ZSCAN18: variants seen among roughly 807,000 people sequenced by gnomAD.
ZSCAN18 encodes the protein zinc finger and SCAN domain containing 18, also known as zinc finger and SCAN domain-containing protein 18.
A neutral mutation model predicts 31.1 loss-of-function variants in ZSCAN18; 16 were observed. The observed-to-expected ratio is 0.51, with a 90% CI of 0.35 to 0.78. The LOEUF (loss-of-function observed/expected upper bound fraction) is 0.78, where lower values mean the gene tolerates loss of function less well. ZSCAN18 is among the 30% of genes least tolerant of loss of function. The pLI, the probability that ZSCAN18 is intolerant of heterozygous loss-of-function variation, is 0.01. For synonymous variants in ZSCAN18, 375 were observed against 320.7 expected (o/e 1.17, Z -1.81); for missense variants, 731 against 697.4 (o/e 1.05, Z -0.54).
At chr19:58,108,251 A>C in intron 1 of ZSCAN18, 3 of 985,560 alleles carry the variant, frequency 3.0e-6, no homozygotes, top group Non-Finnish European at 3.6e-6. Context: ...TACACCCAGT[A>C]CATACATAGG....
At chr19:58,087,466 G>A (rs931323245) in intron 3 of ZSCAN18, 62 bp from the exon 4 acceptor site, 1 of 1,480,446 alleles carries the variant, frequency 6.8e-7, no homozygotes, top group African/African-American at 1.4e-5. Flanking sequence ...GCCCTCAAGG[G>A]TCAAGGAGCC....
At chr19:58,086,637 G>C in intron 5 of ZSCAN18, 1 of 504,750 alleles carries the variant, frequency 2.0e-6, no homozygotes, top group Non-Finnish European at 3.5e-6. Flanking sequence ...CTGGCAAGGA[G>C]GGTGGCAATG....
chr19:58,088,404 A>G (rs1325943144), intron 3 of ZSCAN18: 2 of 348,634 alleles, frequency 5.7e-6, no homozygotes, highest in Non-Finnish European at 1.1e-5. Flanking sequence ...GAGACCCTTT[A>G]TTTTCAGAGG....
intron 2 of ZSCAN18, among the ~76,000 whole-genome samples, chr19:58,089,447 G>A (rs1198158287): frequency 6.7e-6 from 1 of 150,356 alleles, no homozygotes; most frequent in Non-Finnish European, 1.5e-5. Flanking sequence ...CCAACATGGT[G>A]AAACCCTGTC....
upstream of ZSCAN18, among the ~76,000 whole-genome samples, chr19:58,102,990 T>C (rs12978231): frequency 0.56 from 84,922 of 151,472 alleles, 25,687 homozygotes; most frequent in Non-Finnish European, 0.68. Context: ...GGTGTGGTGG[T>C]GTGCACCTCT....
rs764940546 is a variant in ZSCAN18, at chr19:58,086,275, G to A, written c.746-9C>T. ...CTGGGAAAGCTGATACCCTGAGTGG[G>A]GTTAAAAACCAAAGAAATAAAAGGC... On this transcript the variant is annotated splice_polypyrimidine_tract_variant and intron_variant, in intron 5 of 6. Coordinates refer to ENST00000601144, the MANE Select transcript of ZSCAN18 (RefSeq NM_001145543.2). The A allele has an allele frequency of 4.3e-6, 7 of 1,612,576 alleles. No homozygotes were observed. Among genetic ancestry groups the A allele is most frequent in the African/African-American group, 4.0e-5 (3 of 75,008 alleles).
At chr19:58,116,092 T>G (rs2547347) in intron 1 of ZSCAN18, among the ~76,000 whole-genome samples, 6 of 150,578 alleles carry the variant, frequency 4.0e-5, no homozygotes, top group Non-Finnish European at 8.8e-5. Flanking sequence ...TGCAAAGTCT[T>G]GTAGCACATA....
Position 58,085,139 on chromosome 19 carries a change from G to A in ZSCAN18, c.1079C>T (p.Pro360Leu), listed in dbSNP as rs1447173201. 3 of 1,610,188 alleles carry A rather than the reference G, an allele frequency of 1.9e-6. No homozygotes were observed. The highest frequency in any genetic ancestry group is 2.5e-6 in the Non-Finnish European group (3 of 1,178,722). Residue 360 changes from proline (P) to leucine (L), a missense_variant, in exon 7 of 7, where the codon CCG becomes CTG. Physicochemically the swap from Pro to Leu is moderately conservative, Grantham distance 98 (BLOSUM62 -3). Transcript: ENST00000601144. ...TCCCAGTTTCGCCGTGCCCCTGTCC[G>A]GGGCAGGCTGCTGGATGACGGACTG... ...QRQSVIQQPA[P>L]DRGTAKLGTK...
At chr19:58,095,662 G>A (rs1277381043) in intron 1 of ZSCAN18, among the ~76,000 whole-genome samples, 1 of 152,176 alleles carries the variant, frequency 6.6e-6, no homozygotes, top group African/African-American at 2.4e-5. Context: ...GGCAGGGGCG[G>A]GATGACGTGG....
chr19:58,112,950 CAAAAAAAA>C (rs55721042), intron 1 of ZSCAN18, among the ~76,000 whole-genome samples: 3 of 69,486 alleles, frequency 4.3e-5, no homozygotes, highest in Admixed American at 2.2e-4. Flanking sequence ...GGCTCCGTTT[CAAAAAAAA>C]AAAAAAAAAA....
upstream of ZSCAN18, among the ~76,000 whole-genome samples, chr19:58,102,490 A>AACC (rs1568641942): frequency 1.3e-5 from 2 of 148,176 alleles, no homozygotes; most frequent in Non-Finnish European, 3.0e-5. Context: ...ACAAACAAAC[A>AACC]AACCATATAC....
chr19:58,088,945 C>A (rs2145977573), intron 2 of ZSCAN18, 108 bp from the exon 3 acceptor site: 2 of 986,034 alleles, frequency 2.0e-6, no homozygotes, highest in Middle Eastern at 2.2e-4. Flanking sequence ...ACATCACTAC[C>A]CATCCTGCAC....
chr19:58,085,935 TC>T (rs1277298883), intron 6 of ZSCAN18: 2 of 531,114 alleles, frequency 3.8e-6, no homozygotes, highest in African/African-American at 3.8e-5. Flanking sequence ...CATACACAGA[TC>T]CTGGCAACTA....
chr19:58,108,951 C>G, intron 1 of ZSCAN18: 2 of 1,102,740 alleles, frequency 1.8e-6, no homozygotes, highest in Non-Finnish European at 2.2e-6. Flanking sequence ...TAGAGCCTTT[C>G]TGACAATTAT....
At chr19:58,108,260 G>A (rs2074652108) in intron 1 of ZSCAN18, 6 of 985,408 alleles carry the variant, frequency 6.1e-6, no homozygotes, top group South Asian at 4.7e-5. Context: ...TACATACATA[G>A]GGCTCCCCTC....
At chr19:58,098,130 G>A (rs1287333160) in intron 1 of ZSCAN18, 44 bp downstream of exon 1, 1 of 985,416 alleles carries the variant, frequency 1.0e-6, no homozygotes, top group Non-Finnish European at 1.2e-6. Context: ...ACCCTGTTGG[G>A]GTCGCTCTCT....
Position 58,083,946 on chromosome 19 carries a change from C to T in ZSCAN18, c.*739G>A, listed in dbSNP as rs1476437033. Reference sequence around the variant, plus strand: ...TCCCAGCAAGAAATGTCTTACATTGCAACCAGTTCTCACATTTAGATGTAT... The same window carrying T: ...TCCCAGCAAGAAATGTCTTACATTGTAACCAGTTCTCACATTTAGATGTAT... On this transcript the variant is annotated 3_prime_UTR_variant, in exon 7 of 7. Coordinates refer to ENST00000601144, the MANE Select transcript of ZSCAN18 (RefSeq NM_001145543.2). The T allele has an allele frequency of 6.6e-6, 1 of 152,234 alleles. No homozygotes were observed. Among genetic ancestry groups the T allele is most frequent in the African/African-American group, 2.4e-5 (1 of 41,448 alleles). The allele number at this position is 152,234 out of a possible 1,614,324, so 9.4% of individuals were successfully genotyped here. A position where few individuals can be genotyped will look rare whatever the true frequency, so the allele number is the denominator to read the frequency against.
At chr19:58,093,602 T>G (rs1242306459) in intron 1 of ZSCAN18, among the ~76,000 whole-genome samples, 1 of 152,148 alleles carries the variant, frequency 6.6e-6, no homozygotes, top group Non-Finnish European at 1.5e-5. Context: ...GCGGGTAAAC[T>G]GCCCACTTTC....
chr19:58,118,338 C>A, exon 1 of ZSCAN18: 1 of 1,533,034 alleles, frequency 6.5e-7, no homozygotes, highest in Non-Finnish European at 8.8e-7. Context: ...CGCGAGAGGA[C>A]GGAACTCACT....
Sources: gnomAD v4.1 joint callset for allele counts (sites outside exome capture counted in the v4.1 genomes callset) on GRCh38, gnomAD v4.1.1 for gene constraint, MANE v1.5 for transcripts, NCBI Gene and HGNC (gene_info 2026-07-23, HGNC 2026-07-21) for gene names.